ERC2: variants seen among roughly 807,000 people sequenced by gnomAD.
The protein encoded by ERC2 is ELKS/RAB6-interacting/CAST family member 2, also known as ERC protein 2.
In ERC2, 42 loss-of-function variants were observed where a neutral mutation model predicts 114.8. The ratio of observed to expected loss-of-function variants is 0.37; its 90% CI spans 0.29 to 0.47. The LOEUF (loss-of-function observed/expected upper bound fraction) is 0.47, where lower values mean the gene tolerates loss of function less well. ERC2 is among the 20% of genes least tolerant of loss of function. The probability of loss-of-function intolerance (pLI) is 0.99; values close to 1 mark genes in which losing one functional copy is unlikely to be tolerated. For missense variants in ERC2, 939 were observed against 1,150.7 expected, an observed-to-expected ratio of 0.82 and a Z score of 2.66; for synonymous variants, 454 against 425.5, an observed-to-expected ratio of 1.07 and a Z score of -0.82.
intron 6 of ERC2, among the ~76,000 whole-genome samples, chr3:56,134,835 T>C (rs909042343): frequency 3.3e-5 from 5 of 152,164 alleles, no homozygotes; most frequent in African/African-American, 7.2e-5. Flanking sequence ...CATGCAAAAA[T>C]GTTGCCTGGC....
chr3:55,597,697 A>T (rs1307833325), intron 17 of ERC2, among the ~76,000 whole-genome samples: 5 of 152,170 alleles, frequency 3.3e-5, no homozygotes, highest in Non-Finnish European at 7.3e-5. Flanking sequence ...TTGAAATATA[A>T]TGTATTTGCA....
chr3:55,898,719 A>T (rs992268151), intron 13 of ERC2, among the ~76,000 whole-genome samples: 45 of 149,226 alleles, frequency 3.0e-4, no homozygotes, highest in African/African-American at 7.1e-4. Flanking sequence ...TTGGATTTCC[A>T]TTTTTTTTTT....
At chr3:55,529,884 C>G (rs2053563962) in intron 17 of ERC2, among the ~76,000 whole-genome samples, 1 of 152,176 alleles carries the variant, frequency 6.6e-6, no homozygotes. Flanking sequence ...GACCTGAGTT[C>G]TAGTCCCAAT....
intron 6 of ERC2, among the ~76,000 whole-genome samples, chr3:56,131,502 AT>A (rs1404208849): frequency 6.6e-6 from 1 of 152,208 alleles, no homozygotes; most frequent in Non-Finnish European, 1.5e-5. Flanking sequence ...AAGCATCTTA[AT>A]TTTGAATGCA....
chr3:56,285,496 CA>C (rs1169929209), intron 3 of ERC2, among the ~76,000 whole-genome samples: 1 of 152,120 alleles, frequency 6.6e-6, no homozygotes, highest in African/African-American at 2.4e-5. Context: ...TGGGCTACAC[CA>C]AGCCAGCAAC....
intron 4 of ERC2, among the ~76,000 whole-genome samples, 183 bp from the exon 5 acceptor site, chr3:56,149,315 T>C (rs2081301814): frequency 6.6e-6 from 1 of 152,122 alleles, no homozygotes; most frequent in Non-Finnish European, 1.5e-5. Flanking sequence ...GAGATGATAG[T>C]TTAAGCTCCC....
intron 2 of ERC2, among the ~76,000 whole-genome samples, chr3:56,373,708 C>A (rs193173085): frequency 2.4e-4 from 36 of 152,332 alleles, no homozygotes; most frequent in Middle Eastern, 3.4e-3. Flanking sequence ...CATTGTAGCA[C>A]AAAAGCAGCC....
intron 2 of ERC2, among the ~76,000 whole-genome samples, chr3:56,341,482 C>T (rs1018073771): frequency 6.6e-6 from 1 of 152,106 alleles, no homozygotes; most frequent in East Asian, 1.9e-4. Context: ...GACAGAACTA[C>T]CTGTTGGGAT....
chr3:55,844,959 T>C lies in ERC2; in HGVS notation c.2564+43430A>G, dbSNP rs568657207. Reference sequence around the variant, plus strand: ...GACCAGTGAGGGGGTAGTTTCAGAATGAAAGTGTTCTACCTCAGATCATCA... The same window carrying C: ...GACCAGTGAGGGGGTAGTTTCAGAACGAAAGTGTTCTACCTCAGATCATCA... On this transcript the variant is annotated intron_variant, in intron 14 of 17. Transcript: ENST00000288221. Among the ~76,000 whole-genome samples the C allele has an allele frequency of 4.7e-4, 72 of 152,276 alleles. 1 individual carries two copies. The highest frequency in any genetic ancestry group is 1.6e-3 in the African/African-American group (65 of 41,566).
chr3:55,547,022 C>T (rs1221683006), intron 17 of ERC2, among the ~76,000 whole-genome samples: 1 of 152,272 alleles, frequency 6.6e-6, no homozygotes. Context: ...GACAACTTCT[C>T]AACATCTCTG....
intron 17 of ERC2, among the ~76,000 whole-genome samples, chr3:55,518,079 C>T (rs1402483696): frequency 6.6e-6 from 1 of 152,034 alleles, no homozygotes; most frequent in Non-Finnish European, 1.5e-5. Context: ...AGCCACTGCC[C>T]ACTAGATGCC....
chr3:56,342,283 T>C (rs137905883), intron 2 of ERC2, among the ~76,000 whole-genome samples: 245 of 152,336 alleles, frequency 1.6e-3, no homozygotes, highest in African/African-American at 5.2e-3. Context: ...AATAAATTCA[T>C]ACAATGAAAT....
At chr3:55,698,903 T>A (rs1457281554) in intron 16 of ERC2, among the ~76,000 whole-genome samples, 5 of 152,140 alleles carry the variant, frequency 3.3e-5, no homozygotes, top group Non-Finnish European at 7.4e-5. Flanking sequence ...ACCAGACTCC[T>A]TGACTTCACT....
chr3:56,168,772 T>C (rs112434758), intron 4 of ERC2, among the ~76,000 whole-genome samples: 73 of 152,336 alleles, frequency 4.8e-4, no homozygotes, highest in African/African-American at 1.7e-3. Flanking sequence ...GTCAGCTCCA[T>C]GCAGAACAAC....
intron 3 of ERC2, among the ~76,000 whole-genome samples, chr3:56,183,234 T>C (rs997432290): frequency 2.8e-4 from 42 of 152,124 alleles, no homozygotes; most frequent in African/African-American, 9.7e-4. Flanking sequence ...CCATACACAA[T>C]AAAGCAAGAA....
At chr3:55,815,998 A>T (rs2059893611) in intron 14 of ERC2, among the ~76,000 whole-genome samples, 2 of 152,150 alleles carry the variant, frequency 1.3e-5, no homozygotes, top group Admixed American at 1.3e-4. Context: ...ACCAGTTCTC[A>T]CCTGGCATTG....
At chr3:55,679,283 G>A (rs1053492607) in intron 17 of ERC2, among the ~76,000 whole-genome samples, 2 of 151,956 alleles carry the variant, frequency 1.3e-5, no homozygotes, top group African/African-American at 4.8e-5. Context: ...ATGCCTCCCG[G>A]GACCACCTCC....
At chr3:55,660,210 T>C (rs2061063765) in intron 17 of ERC2, among the ~76,000 whole-genome samples, 1 of 152,170 alleles carries the variant, frequency 6.6e-6, no homozygotes. Context: ...TGAGAGCAAA[T>C]TGGCACATCA....
chr3:55,634,496 A>G (rs1378336844), intron 17 of ERC2, among the ~76,000 whole-genome samples: 1 of 152,148 alleles, frequency 6.6e-6, no homozygotes, highest in Non-Finnish European at 1.5e-5. Flanking sequence ...AATCTCTTCT[A>G]AAAAAACGTA....
Sources: allele counts gnomAD v4.1 joint callset (sites outside exome capture counted in the v4.1 genomes callset), GRCh38; gene constraint gnomAD v4.1.1; transcripts MANE v1.5; gene names NCBI Gene and HGNC (gene_info 2026-07-23, HGNC 2026-07-21).